The following COL27A1 variants were observed in gnomAD, a reference collection of about 807,000 sequenced individuals.
COL27A1 encodes the protein collagen alpha-1(XXVII) chain.
COL27A1 carries 106 observed loss-of-function variants against 251.3 expected under a neutral mutation model. The observed-to-expected ratio is 0.42, with a 90% CI of 0.36 to 0.50. COL27A1 has a LOEUF of 0.50. Among genes scored for constraint, COL27A1 ranks in the 20% least tolerant of loss-of-function variants. COL27A1 has a pLI of 0.00. For missense variants in COL27A1, 2,325 were observed against 2,522.8 expected (o/e 0.92, Z 1.68); for synonymous variants, 1,000 against 986.3 (o/e 1.01, Z -0.26).
In COL27A1 at chr9:114,312,400, T is replaced by C. The variant is rs911366201; in HGVS notation, c.*1705T>C. On this transcript the variant is annotated 3_prime_UTR_variant, in exon 61 of 61. Transcript: ENST00000356083. ...CTGTCTCATTCTTGGGTTTTCCTGC[T>C]GTCTTCGTTTACGTCTCTGTCCACA... 8 of 152,250 alleles carry C rather than the reference T, an allele frequency of 5.3e-5. No individual in the cohort carries two copies. The highest frequency in any genetic ancestry group is 5.2e-4 in the Admixed American group (8 of 15,280). 9.4% of individuals were successfully genotyped at this position (152,250 alleles called of 1,614,324 possible). A position where few individuals can be genotyped will look rare whatever the true frequency, so the allele number is the denominator to read the frequency against.
upstream of COL27A1, among the ~76,000 whole-genome samples, chr9:114,154,450 G>A (rs1164998943): frequency 6.9e-6 from 1 of 145,524 alleles, no homozygotes; most frequent in African/African-American, 2.5e-5. This position sits in a 1 kb window ranked among gnomAD's most constrained non-coding sequence, Gnocchi z 5.8. Context: ...TGCGCGTATG[G>A]GGAGGTGGGT....
At chr9:114,189,568 T>G (rs1166650933) in intron 5 of COL27A1, among the ~76,000 whole-genome samples, 1 of 152,214 alleles carries the variant, frequency 6.6e-6, no homozygotes, top group Non-Finnish European at 1.5e-5. Context: ...ATACATATAT[T>G]AATTTGTGAA....
intron 5 of COL27A1, among the ~76,000 whole-genome samples, chr9:114,193,291 C>A (rs1196739559): frequency 6.6e-6 from 1 of 152,166 alleles, no homozygotes; most frequent in African/African-American, 2.4e-5. Context: ...AGGAGAGGAG[C>A]CGCAGCCAGG....
In COL27A1 at chr9:114,169,071, A is replaced by G. The variant is rs998332357; in HGVS notation, c.1516A>G (p.Thr506Ala). Reference protein sequence around the residue: ...GSTRSTRPPATMVPPTSGTST... With the variant: ...GSTRSTRPPAAMVPPTSGTST... Reference sequence around the variant, plus strand: ...TACCAGGAGTACTCGGCCACCAGCCACGATGGTACCTCCAACTTCGGGCAC... The same window carrying G: ...TACCAGGAGTACTCGGCCACCAGCCGCGATGGTACCTCCAACTTCGGGCAC... Residue 506 changes from threonine to alanine, a missense_variant, in exon 3 of 61, where the codon ACG (threonine) becomes GCG (alanine). Thr to Ala is a moderately conservative substitution (Grantham distance 58). This residue lies in a region of COL27A1 where 1,183 missense variants were observed against 1,144.1 expected (regional missense o/e 1.03). Coordinates refer to ENST00000356083, the MANE Select transcript of COL27A1 (RefSeq NM_032888.4). 6.2e-7 allele frequency: 1 copy of G among 1,613,916 alleles called. No individual in the cohort carries two copies. Among genetic ancestry groups the G allele is most frequent in the Admixed American group, 1.7e-5 (1 of 59,994 alleles).
At chr9:114,286,118 CT>C (rs1316924115) in intron 41 of COL27A1, among the ~76,000 whole-genome samples, 2 of 152,176 alleles carry the variant, frequency 1.3e-5, no homozygotes, top group Non-Finnish European at 2.9e-5. Flanking sequence ...GTTCCAGGCC[CT>C]GAGCTAGAGG....
rs779852263 is a variant in COL27A1 at position 114,290,200 on chromosome 9, A to C, written c.4261-24A>C. ...CCCACTCCCTGCACCAAATGCCCTCACCAGCTTTTTATGTACCCCCCAGGG... is the reference window on the plus strand; with the variant it reads ...CCCACTCCCTGCACCAAATGCCCTCCCCAGCTTTTTATGTACCCCCCAGGG... On this transcript the variant is annotated intron_variant, in intron 46 of 60. Transcript: ENST00000356083. The surrounding 1 kb of genome is among the most constrained non-coding windows in gnomAD (Gnocchi z 4.6). The C allele has an allele frequency of 1.5e-5, 23 of 1,566,450 alleles. No homozygotes were observed. Among genetic ancestry groups the C allele is most frequent in the Non-Finnish European group, 1.9e-5 (22 of 1,154,774 alleles).
intron 49 of COL27A1, among the ~76,000 whole-genome samples, chr9:114,292,818 GA>G (rs1168424654): frequency 7.9e-5 from 12 of 152,168 alleles, no homozygotes; most frequent in African/African-American, 2.9e-4. Context: ...CAGATGAAAT[GA>G]ATTTCAGAGC....
chr9:114,293,353 C>T (rs772422452), intron 49 of COL27A1, among the ~76,000 whole-genome samples: 7 of 152,050 alleles, frequency 4.6e-5, no homozygotes, highest in Admixed American at 1.3e-4. Flanking sequence ...AAGTAAAAAA[C>T]AGCATATAAA....
chr9:114,257,428 C>T (rs956839391), intron 27 of COL27A1, among the ~76,000 whole-genome samples: 1 of 152,094 alleles, frequency 6.6e-6, no homozygotes, highest in Non-Finnish European at 1.5e-5. Context: ...GTGTTCCCTC[C>T]GTTCCCACCC....
intron 15 of COL27A1, among the ~76,000 whole-genome samples, chr9:114,231,392 G>T (rs1831940416): frequency 6.6e-6 from 1 of 152,146 alleles, no homozygotes; most frequent in African/African-American, 2.4e-5. Flanking sequence ...AGGCCTCAGG[G>T]CACCGGAAGT....
At chr9:114,233,990 G>C (rs1832159608) in intron 16 of COL27A1, among the ~76,000 whole-genome samples, 1 of 151,974 alleles carries the variant, frequency 6.6e-6, no homozygotes, top group Non-Finnish European at 1.5e-5. Context: ...GGTTGCTCCT[G>C]CCTCAAATCC....
rs183777428 is a variant in COL27A1 at position 114,252,771 on chromosome 9, C to A, written c.3088-108C>A. 1.3e-3 allele frequency: 1,810 copies of A among 1,393,738 alleles called. 3 individuals carry two copies. The highest frequency in any genetic ancestry group is 1.7e-3 in the Non-Finnish European group (1,624 of 979,526). The allele number at this position is 1,393,738 out of a possible 1,614,324, so 86.3% of individuals were successfully genotyped here. A position where few individuals can be genotyped will look rare whatever the true frequency, so the allele number is the denominator to read the frequency against. ...ACCAGCTCCCTCTTTGTCCAGGGGG[C>A]CTAGCTGCTGTCCTCCTGGCTTTGC... is the stretch of plus-strand genomic sequence containing the variant. On this transcript the variant is annotated intron_variant, in intron 26 of 60. Coordinates refer to ENST00000356083, the MANE Select transcript of COL27A1 (RefSeq NM_032888.4).
intron 12 of COL27A1, among the ~76,000 whole-genome samples, 173 bp from the exon 13 acceptor site, chr9:114,219,618 T>G (rs6478070): frequency 0.75 from 114,638 of 152,094 alleles, 43,787 homozygotes; most frequent in South Asian, 0.89. Flanking sequence ...TTCTTTATGT[T>G]CAGGTGCTTG....
At position 114,169,211 on chromosome 9, in the gene COL27A1, G is replaced by A. The variant is rs533567544; in HGVS notation, c.1656G>A (p.Arg552=). The A allele has an allele frequency of 6.2e-7, 1 of 1,614,058 alleles. No homozygotes were observed. Among genetic ancestry groups the A allele is most frequent in the African/African-American group, 1.3e-5 (1 of 75,030 alleles). Reference sequence around the variant, plus strand: ...AAGCCGGACCCAAGAGCAGCCCCCGGAAGCCTGTCCCCCTCAGACCTGGGA... The same window carrying A: ...AAGCCGGACCCAAGAGCAGCCCCCGAAAGCCTGTCCCCCTCAGACCTGGGA... ...SKKAGPKSSP[R]KPVPLRPGKA... Residue 552 remains arginine (R), a synonymous_variant, in exon 3 of 61, where the codon CGG becomes CGA. Coordinates refer to ENST00000356083, the MANE Select transcript of COL27A1 (RefSeq NM_032888.4).
Position 114,231,113 on chromosome 9 carries a change from C to G in COL27A1, c.2501C>G (p.Pro834Arg). ...DLGVLGPIGYPGPKGMKGLMG... is the reference protein window; with the variant it reads ...DLGVLGPIGYRGPKGMKGLMG... ...GGAGTGTTGGGTCCGATTGGCTACCCGGGACCCAAGGGCATGAAGGTAAGC... is the reference window on the plus strand; with the variant it reads ...GGAGTGTTGGGTCCGATTGGCTACCGGGGACCCAAGGGCATGAAGGTAAGC... The change falls in exon 15 of 61, where the codon CCG (proline) becomes CGG (arginine). Residue 834 changes from proline (P) to arginine (R), a missense_variant. By Grantham distance (103) the Pro-to-Arg change is moderately radical. Coordinates refer to ENST00000356083, the MANE Select transcript of COL27A1 (RefSeq NM_032888.4). 2.5e-6 allele frequency: 4 copies of G among 1,613,414 alleles called. No homozygotes were observed. The highest frequency in any genetic ancestry group is 2.5e-6 in the Non-Finnish European group (3 of 1,179,686).
intron 37 of COL27A1, among the ~76,000 whole-genome samples, chr9:114,281,175 T>G (rs76528031): frequency 0.033 from 4,971 of 152,356 alleles, 141 homozygotes; most frequent in South Asian, 0.066. Context: ...ACCAAGAGCA[T>G]AGACATTCTT....
chr9:114,290,150 G>GCCCCCCCCCCCCACCCC lies in COL27A1; in HGVS notation c.4260+42_4260+43insCCCCCCCCCACCCCCCC. Reference sequence around the variant, plus strand: ...GCTGCTGTTTCCAGCCAACCTCCCTGCCCGCCCCCCACACCCGCCCTCCTC... The same window carrying GCCCCCCCCCCCCACCCC: ...GCTGCTGTTTCCAGCCAACCTCCCTGCCCCCCCCCCCCACCCCCCCGCCCCCCACACCCGCCCTCCTC... On this transcript the variant is annotated intron_variant, in intron 46 of 60. Transcript: ENST00000356083. This position sits in a 1 kb window ranked among gnomAD's most constrained non-coding sequence, Gnocchi z 4.6. The GCCCCCCCCCCCCACCCC allele has an allele frequency of 1.3e-6, 2 of 1,593,502 alleles. No individual in the cohort carries two copies. Among genetic ancestry groups the GCCCCCCCCCCCCACCCC allele is most frequent in the Non-Finnish European group, 1.7e-6 (2 of 1,165,378 alleles).
chr9:114,200,158 G>T (rs1829467190), intron 7 of COL27A1, among the ~76,000 whole-genome samples: 1 of 152,146 alleles, frequency 6.6e-6, no homozygotes, highest in African/African-American at 2.4e-5. Context: ...TGAACTCCCG[G>T]TTCTGCCTGA....
chr9:114,181,071 C>T (rs1252823025), intron 4 of COL27A1, among the ~76,000 whole-genome samples: 1 of 152,182 alleles, frequency 6.6e-6, no homozygotes, highest in African/African-American at 2.4e-5. Context: ...CCTGGTTAGA[C>T]CCCACAAGCC....
Sources: allele counts gnomAD v4.1 joint callset (sites outside exome capture counted in the v4.1 genomes callset), GRCh38; gene constraint gnomAD v4.1.1; regional missense constraint gnomAD v4.1.1; non-coding constraint Gnocchi (gnomAD v3.1); transcripts MANE v1.5; gene names NCBI Gene and HGNC (gene_info 2026-07-23, HGNC 2026-07-21).